The following WDPCP variants were observed in gnomAD, a reference collection of about 807,000 sequenced individuals.
WDPCP encodes the protein WD repeat-containing and planar cell polarity effector protein fritz homolog.
A neutral mutation model predicts 93.1 loss-of-function variants in WDPCP; 71 were observed. The ratio of observed to expected loss-of-function variants is 0.76; its 90% CI spans 0.63 to 0.93. WDPCP has a LOEUF of 0.93. WDPCP is among the 40% of genes least tolerant of loss of function. WDPCP has a pLI of 0.00. For synonymous variants in WDPCP, 315 were observed against 315.0 expected, an observed-to-expected ratio of 1.00 and a Z score of 0.00; for missense variants, 844 against 887.4, an observed-to-expected ratio of 0.95 and a Z score of 0.62.
At chr2:63,526,932 T>C (rs1296656597) in intron 1 of WDPCP, among the ~76,000 whole-genome samples, 1 of 152,136 alleles carries the variant, frequency 6.6e-6, no homozygotes, top group African/African-American at 2.4e-5. Context: ...TATCAAAGTA[T>C]TCAATAAATA....
At chr2:63,176,591 A>G (rs1332128735) in intron 14 of WDPCP, among the ~76,000 whole-genome samples, 1 of 150,916 alleles carries the variant, frequency 6.6e-6, no homozygotes, top group Non-Finnish European at 1.5e-5. Context: ...GCCCATTTTT[A>G]ATTAGGTTGT....
intron 2 of WDPCP, among the ~76,000 whole-genome samples, chr2:63,760,058 G>T (rs1259088650): frequency 6.6e-6 from 1 of 152,184 alleles, no homozygotes; most frequent in Non-Finnish European, 1.5e-5. Flanking sequence ...AAGCTGTTTG[G>T]GAAGGTGGTG....
rs1177121290 is a variant in WDPCP at position 63,376,269 on chromosome 2, G to GA, written c.1748+2116dup. 2.0e-5 allele frequency among the ~76,000 whole-genome samples: 3 copies of GA among 151,908 alleles called. No homozygotes were observed. In the East Asian group the frequency reaches 5.8e-4, roughly 29 times the overall value. On this transcript the variant is annotated intron_variant, in intron 12 of 17. Coordinates refer to ENST00000272321, the MANE Select transcript of WDPCP (RefSeq NM_015910.7). ...GCAAAGTATGCAAAAGAAGAAACAT[G>GA]AAAAAGCTAGTATGCCCCAAGGGAA...
intron 2 of WDPCP, among the ~76,000 whole-genome samples, chr2:63,783,130 T>C (rs1670418928): frequency 6.6e-6 from 1 of 151,956 alleles, no homozygotes; most frequent in African/African-American, 2.4e-5. Flanking sequence ...AAAAGATACC[T>C]GGCCAGGCAC....
chr2:63,505,195 T>C (rs1206655407), intron 1 of WDPCP, among the ~76,000 whole-genome samples: 1 of 152,048 alleles, frequency 6.6e-6, no homozygotes, highest in Non-Finnish European at 1.5e-5. Context: ...TACTCTTTCT[T>C]CCCTGATTGT....
chr2:63,199,429 T>C (rs1303552884), intron 14 of WDPCP, among the ~76,000 whole-genome samples: 2 of 152,320 alleles, frequency 1.3e-5, no homozygotes, highest in East Asian at 3.9e-4. Context: ...CCCGGGGCCC[T>C]GCTGCTCTGT....
chr2:63,125,802 G>T (rs1164273960), intron 17 of WDPCP, among the ~76,000 whole-genome samples: 1 of 152,060 alleles, frequency 6.6e-6, no homozygotes, highest in African/African-American at 2.4e-5. Context: ...GTAGAGATGG[G>T]GTTTTCCCGT....
At chr2:63,261,418 G>A (rs1453504523) in intron 13 of WDPCP, among the ~76,000 whole-genome samples, 1 of 152,084 alleles carries the variant, frequency 6.6e-6, no homozygotes, top group African/African-American at 2.4e-5. Flanking sequence ...AAAAATGCCT[G>A]CCAGTCTGTT....
At chr2:63,733,424 G>A (rs552020336) in intron 2 of WDPCP, among the ~76,000 whole-genome samples, 2 of 146,544 alleles carry the variant, frequency 1.4e-5, no homozygotes, top group East Asian at 1.9e-4. Flanking sequence ...GGATGGTCTC[G>A]ATCTCCTGAC....
At chr2:63,387,612 C>T (rs528634304) in intron 10 of WDPCP, among the ~76,000 whole-genome samples, 3 of 152,000 alleles carry the variant, frequency 2.0e-5, no homozygotes, top group African/African-American at 7.2e-5. Context: ...AATATAGAAC[C>T]GGAAGTCCTA....
intron 2 of WDPCP, among the ~76,000 whole-genome samples, chr2:63,709,232 T>C (rs994084974): frequency 1.3e-5 from 2 of 150,480 alleles, no homozygotes; most frequent in African/African-American, 4.9e-5. Flanking sequence ...AGAGAATCAC[T>C]TGAACCCTGG....
chr2:63,788,003 T>G (rs966641360), intron 2 of WDPCP, among the ~76,000 whole-genome samples: 1 of 152,162 alleles, frequency 6.6e-6, no homozygotes, highest in South Asian at 2.1e-4. Flanking sequence ...CATGTGCCAC[T>G]GCACTCTAGC....
intron 2 of WDPCP, among the ~76,000 whole-genome samples, chr2:63,656,117 C>A (rs548973188): frequency 6.6e-6 from 1 of 152,178 alleles, no homozygotes; most frequent in Non-Finnish European, 1.5e-5. Flanking sequence ...ACTTAGAATG[C>A]AGGTACTTGG....
rs1230951052 is a variant in WDPCP, at chr2:63,292,057, C to T, written c.1812+21191G>A. Among the ~76,000 whole-genome samples the T allele has an allele frequency of 2.3e-4, 34 of 145,512 alleles. No homozygotes were observed. The South Asian group carries it at 2.7e-3, about 11-fold the overall frequency. ...CTGAGGCAGGAGAATGGCGTGAACCCGGGAGGTGGAGCTTGCAGTGAGCCG... is the reference window on the plus strand; with the variant it reads ...CTGAGGCAGGAGAATGGCGTGAACCTGGGAGGTGGAGCTTGCAGTGAGCCG... On this transcript the variant is annotated intron_variant, in intron 13 of 17. Transcript: ENST00000272321.
chr2:63,488,292 A>G (rs1700685938), intron 2 of WDPCP, among the ~76,000 whole-genome samples: 1 of 152,106 alleles, frequency 6.6e-6, no homozygotes, highest in African/African-American at 2.4e-5. Context: ...AAAGAGGTGG[A>G]AGCAGTACAG....
At chr2:63,484,688 A>C (rs779054650) in intron 5 of WDPCP, 25 bp from the exon 6 acceptor site, 4 of 1,612,626 alleles carry the variant, frequency 2.5e-6, no homozygotes, top group Non-Finnish European at 2.5e-6. Context: ...AAAAAGAGAG[A>C]GCGTAGTTGG....
chr2:63,697,873 C>T (rs765624875), intron 2 of WDPCP, among the ~76,000 whole-genome samples: 8 of 151,814 alleles, frequency 5.3e-5, no homozygotes, highest in Non-Finnish European at 5.9e-5. Context: ...GTCTTGAACT[C>T]CTGAGTTCAA....
chr2:63,684,603 T>C (rs1048231425), intron 2 of WDPCP: 2 of 719,160 alleles, frequency 2.8e-6, no homozygotes, highest in Non-Finnish European at 5.2e-6. Flanking sequence ...AGTAAGGATG[T>C]CTTCAGAGAT....
intron 13 of WDPCP, among the ~76,000 whole-genome samples, chr2:63,280,937 A>C (rs1683490595): frequency 6.6e-6 from 1 of 152,220 alleles, no homozygotes; most frequent in Non-Finnish European, 1.5e-5. Context: ...TCATGACTAC[A>C]ACCCAAAAGC....
Sources: gnomAD v4.1 joint callset for allele counts (sites outside exome capture counted in the v4.1 genomes callset) on GRCh38, gnomAD v4.1.1 for gene constraint, MANE v1.5 for transcripts, NCBI Gene and HGNC (gene_info 2026-07-23, HGNC 2026-07-21) for gene names.